NIBAN3: variants seen among roughly 807,000 people sequenced by gnomAD.
The protein encoded by NIBAN3 is niban apoptosis regulator 3, also known as protein Niban 3.
NIBAN3 carries 66 observed loss-of-function variants against 76.4 expected under a neutral mutation model. The ratio of observed to expected loss-of-function variants is 0.86; its 90% CI spans 0.71 to 1.06. NIBAN3 has a LOEUF of 1.06. Among genes scored for constraint, NIBAN3 ranks in the 50% least tolerant of loss-of-function variants. The pLI, the probability that NIBAN3 is intolerant of heterozygous loss-of-function variation, is 0.00. For missense variants in NIBAN3, 808 were observed against 810.7 expected, an observed-to-expected ratio of 1.00 and a Z score of 0.04; for synonymous variants, 360 against 355.2, an observed-to-expected ratio of 1.01 and a Z score of -0.15.
intron 13 of NIBAN3, among the ~76,000 whole-genome samples, chr19:17,547,350 CT>C (rs1161818189): frequency 4.3e-3 from 270 of 62,670 alleles, no homozygotes; most frequent in Non-Finnish European, 6.6e-3. Flanking sequence ...GAGACTATGT[CT>C]TTTTTTTTTT....
Position 17,540,429 on chromosome 19 carries a change from G to A in NIBAN3, c.1017G>A (p.Arg339=). The A allele has an allele frequency of 6.5e-7, 1 of 1,537,640 alleles. No individual in the cohort carries two copies. Among genetic ancestry groups the A allele is most frequent in the Non-Finnish European group, 8.8e-7 (1 of 1,141,456 alleles). ...GACCGCTCGAGTCGTGCCTGCGCCG[G>A]GAGGTGGACCCGCAGCTGCCCCGGG... ...IRGPLESCLR[R]EVDPQLPRVV... is the part of the protein sequence containing the mutation. The change falls in exon 9 of 15, where the codon CGG becomes CGA. Residue 339 remains arginine (R), a synonymous_variant. Coordinates refer to ENST00000599164, the MANE Select transcript of NIBAN3 (RefSeq NM_001321827.2).
intron 4 of NIBAN3, among the ~76,000 whole-genome samples, chr19:17,535,740 T>G (rs1312563477): frequency 7.2e-6 from 1 of 138,500 alleles, no homozygotes; most frequent in African/African-American, 2.8e-5. Flanking sequence ...AGAGCAAGAC[T>G]CTGTCAAAAA....
intron 9 of NIBAN3, among the ~76,000 whole-genome samples, chr19:17,541,434 A>G (rs1437733196): frequency 1.3e-5 from 2 of 152,010 alleles, no homozygotes; most frequent in Non-Finnish European, 1.5e-5. Flanking sequence ...GGTGATTTCT[A>G]TACTCTGTCT....
At position 17,553,151 on chromosome 19, in the gene NIBAN3, C is replaced by T; in HGVS notation, c.*1253C>T. On this transcript the variant is annotated 3_prime_UTR_variant, in exon 15 of 15. Coordinates refer to ENST00000599164, the MANE Select transcript of NIBAN3 (RefSeq NM_001321827.2). ...TTTTTTTTTTAATTTCAGTGAATTGCCTGTTCATAGCTTTTTTCTACTTTT... is the reference window on the plus strand; with the variant it reads ...TTTTTTTTTTAATTTCAGTGAATTGTCTGTTCATAGCTTTTTTCTACTTTT... 4.0e-6 allele frequency: 4 copies of T among 1,005,996 alleles called. No individual in the cohort carries two copies. In the South Asian group the frequency reaches 5.9e-5, roughly 15 times the overall value. 62.3% of individuals were successfully genotyped at this position (1,005,996 alleles called of 1,614,324 possible).
chr19:17,535,301 C>T (rs1355414423), intron 4 of NIBAN3, among the ~76,000 whole-genome samples: 2 of 152,106 alleles, frequency 1.3e-5, no homozygotes, highest in Non-Finnish European at 2.9e-5. Flanking sequence ...ATAAAATTAC[C>T]TAGGTGTGGT....
chr19:17,554,036 T>C (rs1485572714), downstream of NIBAN3, among the ~76,000 whole-genome samples: 1 of 152,034 alleles, frequency 6.6e-6, no homozygotes, highest in East Asian at 1.9e-4. Flanking sequence ...CATGACCGGC[T>C]AATTTTTTGT....
intron 4 of NIBAN3, among the ~76,000 whole-genome samples, chr19:17,534,690 C>A (rs929401639): frequency 1.3e-5 from 2 of 151,058 alleles, no homozygotes; most frequent in African/African-American, 4.9e-5. Context: ...ACTCAGGAGG[C>A]TGAGGCAGGA....
Position 17,553,392 on chromosome 19 carries a change from A to G in NIBAN3, c.*1494A>G, listed in dbSNP as rs776108995. 3 of 1,614,062 alleles carry G rather than the reference A, an allele frequency of 1.9e-6. No homozygotes were observed. The highest frequency in any genetic ancestry group is 2.2e-5 in the South Asian group (2 of 91,086). ...ACTTCCTCTGCTTGCCAGCAAAGTCATCTGCTAACTGGATATTGGCAGCTT... is the reference window on the plus strand; with the variant it reads ...ACTTCCTCTGCTTGCCAGCAAAGTCGTCTGCTAACTGGATATTGGCAGCTT... On this transcript the variant is annotated 3_prime_UTR_variant, in exon 15 of 15. Coordinates refer to ENST00000599164, the MANE Select transcript of NIBAN3 (RefSeq NM_001321827.2).
In NIBAN3 at chr19:17,552,636, A is replaced by G. The variant is rs982386327; in HGVS notation, c.*738A>G. The G allele has an allele frequency of 2.0e-5, 3 of 152,124 alleles. No homozygotes were observed. Among genetic ancestry groups the G allele is most frequent in the African/African-American group, 7.2e-5 (3 of 41,440 alleles). The allele number at this position is 152,124 out of a possible 1,614,324, so 9.4% of individuals were successfully genotyped here. On this transcript the variant is annotated 3_prime_UTR_variant, in exon 15 of 15. Coordinates refer to ENST00000599164, the MANE Select transcript of NIBAN3 (RefSeq NM_001321827.2). ...TTCTTTGACTAAATTGAACTTACAA[A>G]TAAGTTTATTATGGCCAGGCGTGGC... is the stretch of plus-strand genomic sequence containing the variant.
chr19:17,529,409 G>C (rs1255113051), intron 1 of NIBAN3, among the ~76,000 whole-genome samples: 1 of 152,056 alleles, frequency 6.6e-6, no homozygotes, highest in African/African-American at 2.4e-5. Context: ...TGTGCCCAAG[G>C]TAGCCTCATG....
intron 11 of NIBAN3, 39 bp from the exon 12 acceptor site, chr19:17,543,485 C>T (rs2075993472): frequency 1.2e-6 from 2 of 1,611,692 alleles, no homozygotes; most frequent in Non-Finnish European, 1.7e-6. Context: ...CCTGGGTGCT[C>T]AGATGGTTGC....
chr19:17,554,830 G>A (rs1212788199), downstream of NIBAN3, among the ~76,000 whole-genome samples: 2 of 134,666 alleles, frequency 1.5e-5, no homozygotes, highest in Non-Finnish European at 3.2e-5. Context: ...ATGTTCAGAT[G>A]TATTTTTTAA....
intron 12 of NIBAN3, among the ~76,000 whole-genome samples, chr19:17,544,914 A>C (rs1426959256): frequency 6.6e-6 from 1 of 152,172 alleles, no homozygotes; most frequent in Non-Finnish European, 1.5e-5. Context: ...CACTGAGTCC[A>C]TTTTAAAGAT....
chr19:17,538,763 A>G (rs1319674740), intron 5 of NIBAN3, among the ~76,000 whole-genome samples: 1 of 151,170 alleles, frequency 6.6e-6, no homozygotes, highest in African/African-American at 2.4e-5. Flanking sequence ...AAAGAAAGAG[A>G]GGGAGGGAGG....
intron 4 of NIBAN3, among the ~76,000 whole-genome samples, chr19:17,534,639 A>C (rs2144697743): frequency 6.6e-6 from 1 of 152,170 alleles, no homozygotes; most frequent in South Asian, 2.1e-4. Context: ...AAAATACAAA[A>C]AATTAGCCAG....
chr19:17,554,531 C>T (rs2076197376), downstream of NIBAN3, among the ~76,000 whole-genome samples: 1 of 151,668 alleles, frequency 6.6e-6, no homozygotes, highest in Non-Finnish European at 1.5e-5. Flanking sequence ...CGCCTGTAAT[C>T]CCAGCACTTT....
chr19:17,539,903 A>T, intron 8 of NIBAN3, 138 bp downstream of exon 8: 3 of 258,554 alleles, frequency 1.2e-5, no homozygotes, highest in South Asian at 5.7e-5. Flanking sequence ...CAAGCATAGG[A>T]TGTGCAAGGG....
At chr19:17,548,486 T>C (rs2076099126) in intron 13 of NIBAN3, among the ~76,000 whole-genome samples, 1 of 151,270 alleles carries the variant, frequency 6.6e-6, no homozygotes, top group Non-Finnish European at 1.5e-5. Context: ...GAGGTGCGGG[T>C]GGGAGCTGGA....
rs375618383 is a variant in NIBAN3, at chr19:17,527,970, A to G, written c.55+575A>G. ...CAACCTCCCAAAGTGCTGGGATTAC[A>G]GGCGGGAGCCACTGTGTCCAGCCTG... On this transcript the variant is annotated intron_variant, in intron 1 of 14. Transcript: ENST00000599164. Among the ~76,000 whole-genome samples the G allele has an allele frequency of 1.2e-3, 186 of 152,204 alleles. 1 individual carries two copies. The highest frequency in any genetic ancestry group is 4.4e-3 in the African/African-American group (182 of 41,554).
Sources: allele counts gnomAD v4.1 joint callset (sites outside exome capture counted in the v4.1 genomes callset), GRCh38; gene constraint gnomAD v4.1.1; transcripts MANE v1.5; gene names NCBI Gene and HGNC (gene_info 2026-07-23, HGNC 2026-07-21).